The following CTDSPL2 variants were observed in gnomAD, a reference collection of about 807,000 sequenced individuals.
CTDSPL2 encodes CTD small phosphatase like 2, also known as CTD small phosphatase-like protein 2.
In CTDSPL2, 5 loss-of-function variants were observed where a neutral mutation model predicts 60.0. The ratio of observed to expected loss-of-function variants is 0.08; its 90% CI spans 0.04 to 0.18. CTDSPL2 has a LOEUF of 0.18. Among genes scored for constraint, CTDSPL2 ranks in the 10% least tolerant of loss-of-function variants. The pLI is 1.00. For synonymous variants in CTDSPL2, 186 were observed against 189.3 expected (o/e 0.98, Z 0.14); for missense variants, 370 against 548.8 (o/e 0.67, Z 3.26).
intron 8 of CTDSPL2, among the ~76,000 whole-genome samples, chr15:44,512,379 C>T (rs1241988644): frequency 6.6e-6 from 1 of 152,072 alleles, no homozygotes. Context: ...TTTTTGGTTA[C>T]TAACTGCATG....
chr15:44,440,966 G>C (rs1001672623), intron 1 of CTDSPL2, among the ~76,000 whole-genome samples: 5 of 152,108 alleles, frequency 3.3e-5, no homozygotes. Context: ...ATTGGTAGTT[G>C]GCATGTGGGA....
At position 44,433,394 on chromosome 15, in the gene CTDSPL2, GATTAC is replaced by G. The variant is rs763509086; in HGVS notation, c.-25+5624_-25+5628del. On this transcript the variant is annotated intron_variant, in intron 1 of 12. Coordinates refer to ENST00000260327, the MANE Select transcript of CTDSPL2 (RefSeq NM_016396.3). ...CAGTGTACTAGTAGAACATACTTGG[GATTAC>G]AAGTGTGAGCCACTGCGCTCAGCCT... Among the ~76,000 whole-genome samples the G allele has an allele frequency of 9.2e-5, 14 of 151,466 alleles. No homozygotes were observed. In the East Asian group the frequency reaches 2.1e-3, roughly 23 times the overall value.
At chr15:44,496,272 T>C in intron 5 of CTDSPL2, 108 bp from the exon 6 acceptor site, 1 of 743,702 alleles carries the variant, frequency 1.3e-6, no homozygotes, top group Non-Finnish European at 2.2e-6. Flanking sequence ...TATTTCTGTC[T>C]TTAAAATACA....
At chr15:44,480,922 CTG>C (rs1413373754) in intron 2 of CTDSPL2, among the ~76,000 whole-genome samples, 2 of 152,172 alleles carry the variant, frequency 1.3e-5, no homozygotes, top group African/African-American at 4.8e-5. Flanking sequence ...AATGTAGAAA[CTG>C]TGTCTTTCCT....
intron 10 of CTDSPL2, among the ~76,000 whole-genome samples, chr15:44,515,596 C>T (rs377741137): frequency 3.3e-5 from 5 of 152,128 alleles, no homozygotes; most frequent in Admixed American, 1.3e-4. Flanking sequence ...TAGGGCCAGG[C>T]GCGGTGGCTC....
intron 2 of CTDSPL2, among the ~76,000 whole-genome samples, chr15:44,478,611 A>G (rs947358851): frequency 2.0e-5 from 3 of 151,828 alleles, no homozygotes; most frequent in South Asian, 2.1e-4. Context: ...ATGTTATTCT[A>G]TTTTCTTCCA....
rs144634092 is a variant in CTDSPL2 at position 44,488,163 on chromosome 15, G to C, written c.475+1463G>C. Among the ~76,000 whole-genome samples, 111 of 151,766 alleles carry C rather than the reference G, an allele frequency of 7.3e-4. 3 individuals are homozygous for C. The East Asian group carries it at 0.021, about 28-fold the overall frequency. Reference sequence around the variant, plus strand: ...AAGAATGGCTCCTCCTCCATAGGCAGAGCGGCCTGAAAGGTTTTAAACTGG... The same window carrying C: ...AAGAATGGCTCCTCCTCCATAGGCACAGCGGCCTGAAAGGTTTTAAACTGG... On this transcript the variant is annotated intron_variant, in intron 4 of 12. Transcript: ENST00000260327.
chr15:44,428,459 G>T (rs1448293536), intron 1 of CTDSPL2, among the ~76,000 whole-genome samples: 4 of 152,170 alleles, frequency 2.6e-5, no homozygotes, highest in Admixed American at 2.6e-4. Flanking sequence ...TTCTTGACCA[G>T]AGTTCTGTGG....
intron 10 of CTDSPL2, chr15:44,516,521 A>G (rs1018518924): frequency 2.0e-4 from 31 of 152,338 alleles, no homozygotes; most frequent in Admixed American, 1.4e-3. Context: ...TCTGTTCACA[A>G]AAGTATATTG....
intron 10 of CTDSPL2, among the ~76,000 whole-genome samples, chr15:44,515,646 T>C (rs2081637425): frequency 6.6e-6 from 1 of 152,032 alleles, no homozygotes; most frequent in Non-Finnish European, 1.5e-5. Context: ...TGAGTCTGGC[T>C]AATCACCTGA....
chr15:44,495,281 T>G (rs1291505026), intron 5 of CTDSPL2, among the ~76,000 whole-genome samples: 1 of 152,148 alleles, frequency 6.6e-6, no homozygotes, highest in Non-Finnish European at 1.5e-5. Flanking sequence ...CATTTCTTAA[T>G]TTTTTAAGAT....
At chr15:44,493,597 T>C (rs1195830373) in intron 5 of CTDSPL2, among the ~76,000 whole-genome samples, 1 of 152,094 alleles carries the variant, frequency 6.6e-6, no homozygotes, top group Non-Finnish European at 1.5e-5. Context: ...AGTTTGAGAC[T>C]AGCCTGGGCA....
chr15:44,512,319 T>C (rs2081581314), intron 8 of CTDSPL2, among the ~76,000 whole-genome samples: 1 of 152,212 alleles, frequency 6.6e-6, no homozygotes, highest in South Asian at 2.1e-4. Context: ...GAGCAAGTGA[T>C]AATAGGGATA....
chr15:44,438,486 A>G lies in CTDSPL2; in HGVS notation c.-25+10714A>G, dbSNP rs556297519. ...GAGGTAAAATCATCAGGATTTGATG[A>G]TTGACTATATAAGATAAGGGAGAGG... On this transcript the variant is annotated intron_variant, in intron 1 of 12. Transcript: ENST00000260327. Among the ~76,000 whole-genome samples, 5 of 152,280 alleles carry G rather than the reference A, an allele frequency of 3.3e-5. No individual in the cohort carries two copies. The East Asian group carries it at 9.7e-4, about 29-fold the overall frequency.
chr15:44,430,338 T>G (rs1002711054), intron 1 of CTDSPL2, among the ~76,000 whole-genome samples: 1 of 152,134 alleles, frequency 6.6e-6, no homozygotes, highest in African/African-American at 2.4e-5. Context: ...AGTGAACCCC[T>G]GGGCCTATGC....
At chr15:44,502,482 C>G in intron 8 of CTDSPL2, among the ~76,000 whole-genome samples, 1 of 152,024 alleles carries the variant, frequency 6.6e-6, no homozygotes, top group Non-Finnish European at 1.5e-5. Flanking sequence ...CAACCTTTTT[C>G]TATAAAGGGC....
intron 1 of CTDSPL2, among the ~76,000 whole-genome samples, chr15:44,456,461 T>C (rs2080442845): frequency 6.6e-6 from 1 of 152,192 alleles, no homozygotes; most frequent in Non-Finnish European, 1.5e-5. Context: ...CTTCCTGGTT[T>C]AGTCTTGGGA....
chr15:44,459,482 C>T (rs914973412), intron 2 of CTDSPL2, among the ~76,000 whole-genome samples: 2 of 152,042 alleles, frequency 1.3e-5, no homozygotes, highest in East Asian at 1.9e-4. Flanking sequence ...GAGCCGAGAT[C>T]GCACCACTGC....
At chr15:44,483,151 C>CG (rs1188638756) in intron 2 of CTDSPL2, among the ~76,000 whole-genome samples, 1 of 151,582 alleles carries the variant, frequency 6.6e-6, no homozygotes, top group Non-Finnish European at 1.5e-5. Context: ...CCCAGCTACT[C>CG]GGGAGGCTCA....
Sources: allele counts gnomAD v4.1 joint callset (sites outside exome capture counted in the v4.1 genomes callset), GRCh38; gene constraint gnomAD v4.1.1; transcripts MANE v1.5; gene names NCBI Gene and HGNC (gene_info 2026-07-23, HGNC 2026-07-21).